BNC2: variants seen among roughly 807,000 people sequenced by gnomAD.
BNC2 encodes the protein zinc finger protein basonuclin-2.
BNC2 carries 20 observed loss-of-function variants against 76.3 expected under a neutral mutation model. The ratio of observed to expected loss-of-function variants is 0.26; its 90% CI spans 0.18 to 0.38. The LOEUF (loss-of-function observed/expected upper bound fraction) is 0.38, where lower values mean the gene tolerates loss of function less well. Ranked by LOEUF, BNC2 falls within the 10% of genes least tolerant of loss-of-function variation. The pLI is 1.00. For synonymous variants in BNC2, 582 were observed against 514.8 expected, an observed-to-expected ratio of 1.13 and a Z score of -1.77; for missense variants, 1,382 against 1,399.8, an observed-to-expected ratio of 0.99 and a Z score of 0.20.
chr9:16,548,685 G>A (rs1019441309), intron 5 of BNC2, among the ~76,000 whole-genome samples: 39 of 152,290 alleles, frequency 2.6e-4, no homozygotes, highest in African/African-American at 8.4e-4. Context: ...GATTACAGGC[G>A]TGAGCCACCA....
intron 3 of BNC2, among the ~76,000 whole-genome samples, chr9:16,585,312 C>T (rs796948001): frequency 1.3e-5 from 2 of 152,242 alleles, no homozygotes; most frequent in African/African-American, 4.8e-5. Flanking sequence ...TAACTTTACA[C>T]ATTTGGTACA....
chr9:16,640,418 C>T (rs1821459079), intron 3 of BNC2, among the ~76,000 whole-genome samples: 2 of 152,300 alleles, frequency 1.3e-5, no homozygotes, highest in East Asian at 1.9e-4. Context: ...TAACAAAACA[C>T]ATGAGGGATA....
chr9:16,505,014 A>G (rs1822596105), intron 5 of BNC2, among the ~76,000 whole-genome samples: 1 of 152,262 alleles, frequency 6.6e-6, no homozygotes, highest in South Asian at 2.1e-4. Flanking sequence ...TCCAGGTTTG[A>G]AACACAACTA....
intron 3 of BNC2, among the ~76,000 whole-genome samples, chr9:16,713,131 G>A (rs987466813): frequency 6.6e-6 from 1 of 152,162 alleles, no homozygotes; most frequent in Non-Finnish European, 1.5e-5. Context: ...CAATTTTACA[G>A]TTTTACATGT....
chr9:16,606,211 G>C (rs187656806), intron 3 of BNC2, among the ~76,000 whole-genome samples: 1 of 151,992 alleles, frequency 6.6e-6, no homozygotes, highest in African/African-American at 2.4e-5. Flanking sequence ...ATTCAAACAT[G>C]TATAAAAGAC....
At chr9:16,714,931 T>A (rs532930822) in intron 3 of BNC2, among the ~76,000 whole-genome samples, 3 of 152,348 alleles carry the variant, frequency 2.0e-5, no homozygotes, top group Non-Finnish European at 4.4e-5. Context: ...AAACCTCATC[T>A]TATACAATAT....
chr9:16,709,342 C>T (rs1823768448), intron 3 of BNC2, among the ~76,000 whole-genome samples: 1 of 152,218 alleles, frequency 6.6e-6, no homozygotes, highest in African/African-American at 2.4e-5. Context: ...CCCACGCTGC[C>T]ATCGTCAGAA....
chr9:16,519,972 T>C (rs1292755256), intron 5 of BNC2, among the ~76,000 whole-genome samples: 1 of 152,160 alleles, frequency 6.6e-6, no homozygotes, highest in Non-Finnish European at 1.5e-5. Flanking sequence ...GGACCAAACA[T>C]GGCAAGGCCC....
intron 3 of BNC2, among the ~76,000 whole-genome samples, chr9:16,716,357 T>A (rs2134797753): frequency 6.6e-6 from 1 of 152,330 alleles, no homozygotes; most frequent in East Asian, 1.9e-4. Context: ...TATTATGGGT[T>A]CAAATGACCC....
intron 5 of BNC2, among the ~76,000 whole-genome samples, chr9:16,504,468 G>C (rs1822584842): frequency 6.6e-6 from 1 of 151,924 alleles, no homozygotes; most frequent in Non-Finnish European, 1.5e-5. Flanking sequence ...AAATAGACTG[G>C]TTAATAACTT....
At chr9:16,805,389 C>T (rs767185786) in intron 1 of BNC2, among the ~76,000 whole-genome samples, 31 of 152,040 alleles carry the variant, frequency 2.0e-4, no homozygotes, top group Non-Finnish European at 4.3e-4. Context: ...TACAATGGCA[C>T]GATCTCAGCT....
chr9:16,616,757 G>T (rs1320768282), intron 3 of BNC2, among the ~76,000 whole-genome samples: 1 of 140,606 alleles, frequency 7.1e-6, no homozygotes, highest in Non-Finnish European at 1.6e-5. Flanking sequence ...AGGAGGGCAG[G>T]AAGACAGGGA....
At chr9:16,419,920 G>A (rs979448327) in intron 6 of BNC2, among the ~76,000 whole-genome samples, 5 of 152,152 alleles carry the variant, frequency 3.3e-5, no homozygotes, top group Admixed American at 1.3e-4. Context: ...ATGCAAACCC[G>A]TGCACCTTTT....
chr9:16,608,837 A>C (rs1247856401), intron 3 of BNC2, among the ~76,000 whole-genome samples: 1 of 152,222 alleles, frequency 6.6e-6, no homozygotes, highest in Admixed American at 6.5e-5. Context: ...AAATAGGCAA[A>C]AGTCAAACTC....
At chr9:16,478,107 G>A (rs1029210372) in intron 5 of BNC2, among the ~76,000 whole-genome samples, 1 of 152,160 alleles carries the variant, frequency 6.6e-6, no homozygotes, top group African/African-American at 2.4e-5. Flanking sequence ...GGCTCGAACT[G>A]TTCTATGTCT....
intron 4 of BNC2, among the ~76,000 whole-genome samples, chr9:16,576,102 C>A (rs907960311): frequency 1.3e-5 from 2 of 152,190 alleles, no homozygotes. Context: ...TTCCCTTCCC[C>A]TGAGGACTCA....
intron 1 of BNC2, among the ~76,000 whole-genome samples, chr9:16,815,380 G>A (rs1482735366): frequency 1.3e-5 from 2 of 152,220 alleles, no homozygotes; most frequent in African/African-American, 4.8e-5. Flanking sequence ...GCAGCAACAG[G>A]AAGGATGGAC....
chr9:16,597,213 T>C (rs554079552), intron 3 of BNC2, among the ~76,000 whole-genome samples: 13 of 152,306 alleles, frequency 8.5e-5, no homozygotes, highest in South Asian at 4.1e-4. Context: ...AGCCATGTAC[T>C]ATTGTATGTA....
intron 1 of BNC2, among the ~76,000 whole-genome samples, chr9:16,856,638 T>C (rs1362162831): frequency 1.3e-5 from 2 of 152,208 alleles, no homozygotes; most frequent in Non-Finnish European, 2.9e-5. Flanking sequence ...CCAGACCTGG[T>C]AGAATTTCTG....
Sources: allele counts gnomAD v4.1 joint callset (sites outside exome capture counted in the v4.1 genomes callset), GRCh38; gene constraint gnomAD v4.1.1; transcripts MANE v1.5; gene names NCBI Gene and HGNC (gene_info 2026-07-23, HGNC 2026-07-21).